The following KATNIP variants were observed in gnomAD, a reference collection of about 807,000 sequenced individuals.
KATNIP encodes the protein katanin-interacting protein.
In KATNIP, 126 loss-of-function variants were observed where a neutral mutation model predicts 174.0. The ratio of observed to expected loss-of-function variants is 0.72; its 90% CI spans 0.63 to 0.84. The LOEUF (loss-of-function observed/expected upper bound fraction) is 0.84. KATNIP is among the 40% of genes least tolerant of loss of function. KATNIP has a pLI of 0.00. For missense variants in KATNIP, 1,958 were observed against 2,109.7 expected, an observed-to-expected ratio of 0.93 and a Z score of 1.41; for synonymous variants, 810 against 835.7, an observed-to-expected ratio of 0.97 and a Z score of 0.53.
At chr16:27,568,898 A>T (rs926331876) in intron 1 of KATNIP, among the ~76,000 whole-genome samples, 2 of 151,852 alleles carry the variant, frequency 1.3e-5, no homozygotes, top group South Asian at 4.2e-4. Context: ...ATTTTACCAG[A>T]CTCGATGGGA....
chr16:27,642,844 A>G (rs2076844656), intron 5 of KATNIP, among the ~76,000 whole-genome samples: 1 of 151,054 alleles, frequency 6.6e-6, no homozygotes, highest in African/African-American at 2.4e-5. Flanking sequence ...CTGGCCTCAA[A>G]CAATCCTCCC....
intron 12 of KATNIP, among the ~76,000 whole-genome samples, chr16:27,707,821 A>C (rs945255228): frequency 2.6e-5 from 4 of 152,062 alleles, no homozygotes; most frequent in African/African-American, 4.8e-5. Flanking sequence ...CTGTGTGTGC[A>C]TCCTTGGTGT....
At chr16:27,699,697 A>G in intron 10 of KATNIP, 98 bp downstream of exon 10, 2 of 1,526,746 alleles carry the variant, frequency 1.3e-6, no homozygotes, top group Non-Finnish European at 8.9e-7. Flanking sequence ...ATGCATGTGC[A>G]TAGCACCTGA....
chr16:27,778,511 T>C, intron 27 of KATNIP, 63 bp from the exon 28 acceptor site: 1 of 1,534,602 alleles, frequency 6.5e-7, no homozygotes, highest in South Asian at 1.1e-5. Context: ...CTGGGGAGTG[T>C]GGGGCACCCC....
intron 18 of KATNIP, chr16:27,755,578 T>C (rs568636295): frequency 2.0e-5 from 3 of 152,366 alleles, no homozygotes; most frequent in African/African-American, 7.2e-5. Flanking sequence ...TGTATCAACA[T>C]GGCACTGGCT....
chr16:27,734,914 C>T (rs1216648686), intron 14 of KATNIP, among the ~76,000 whole-genome samples: 2 of 152,224 alleles, frequency 1.3e-5, no homozygotes, highest in East Asian at 3.8e-4. Flanking sequence ...CTCAGTTTCT[C>T]CATCCATAAG....
chr16:27,761,599 C>CT lies in KATNIP; in HGVS notation c.3809+10dup. The CT allele has an allele frequency of 1.2e-6, 2 of 1,608,302 alleles. No individual in the cohort carries two copies. The highest frequency in any genetic ancestry group is 1.7e-6 in the Non-Finnish European group (2 of 1,175,286). On this transcript the variant is annotated intron_variant, in intron 19 of 27. Transcript: ENST00000261588. ...TCCCGGGCCCTGGACAAGTAAGTGT[C>CT]TATCAGAAGCTTTACTTTCATGCCC...
intron 2 of KATNIP, among the ~76,000 whole-genome samples, chr16:27,600,595 C>T (rs1440272621): frequency 1.3e-5 from 2 of 152,228 alleles, no homozygotes; most frequent in East Asian, 3.9e-4. Context: ...GCCCCTGCTC[C>T]GCCCTCCCCC....
At chr16:27,634,744 A>G in intron 5 of KATNIP, among the ~76,000 whole-genome samples, 1 of 152,224 alleles carries the variant, frequency 6.6e-6, no homozygotes, top group East Asian at 1.9e-4. Context: ...GTGTGAGGCC[A>G]TCTGATTGGC....
chr16:27,613,366 GTT>G (rs775645267), intron 2 of KATNIP, among the ~76,000 whole-genome samples: 6 of 152,218 alleles, frequency 3.9e-5, no homozygotes, highest in Non-Finnish European at 7.3e-5. Context: ...GGAAGTTTCA[GTT>G]TCTCGAGTCT....
At chr16:27,711,517 C>G (rs565939421) in intron 13 of KATNIP, among the ~76,000 whole-genome samples, 1 of 152,212 alleles carries the variant, frequency 6.6e-6, no homozygotes, top group African/African-American at 2.4e-5. Context: ...TCGGCAGTGT[C>G]GGTTAGCTGG....
At chr16:27,656,951 T>TA (rs142304780) in intron 6 of KATNIP, among the ~76,000 whole-genome samples, 4,950 of 149,206 alleles carry the variant, frequency 0.033, 212 homozygotes, top group African/African-American at 0.094. Context: ...AAAAAAATCC[T>TA]AAAAAAAAAC....
chr16:27,708,403 G>A (rs1425419105), intron 12 of KATNIP: 6 of 301,784 alleles, frequency 2.0e-5, no homozygotes, highest in Admixed American at 4.7e-5. Context: ...GGGGAGAGAC[G>A]TGCATGTTCA....
intron 5 of KATNIP, 127 bp from the exon 6 acceptor site, chr16:27,648,477 A>C: frequency 9.0e-7 from 1 of 1,115,766 alleles, no homozygotes; most frequent in Non-Finnish European, 1.3e-6. Flanking sequence ...TGTTGCATGC[A>C]GGCACACCAC....
At chr16:27,768,994 CT>C (rs1375437617) in intron 20 of KATNIP, among the ~76,000 whole-genome samples, 6 of 152,256 alleles carry the variant, frequency 3.9e-5, no homozygotes, top group African/African-American at 1.4e-4. Flanking sequence ...GCTGTTGCCC[CT>C]CCCTGCCCAT....
At chr16:27,592,277 T>TC (rs1217923907) in intron 2 of KATNIP, among the ~76,000 whole-genome samples, 3 of 127,754 alleles carry the variant, frequency 2.3e-5, no homozygotes, top group Admixed American at 1.6e-4. Flanking sequence ...TTACTTTTTT[T>TC]TTTTTTTTTT....
chr16:27,671,211 A>G lies in KATNIP; in HGVS notation c.541-6518A>G, dbSNP rs560246972. Among the ~76,000 whole-genome samples, 101 of 152,320 alleles carry G rather than the reference A, an allele frequency of 6.6e-4. 1 individual carries two copies. The highest frequency in any genetic ancestry group is 2.4e-3 in the African/African-American group (98 of 41,566). Reference sequence around the variant, plus strand: ...CCATCTCAAAAATAAAAATAAAAATAAAAAGTCAGGTGCCTATTTTTCCAG... The same window carrying G: ...CCATCTCAAAAATAAAAATAAAAATGAAAAGTCAGGTGCCTATTTTTCCAG... On this transcript the variant is annotated intron_variant, in intron 6 of 27. Coordinates refer to ENST00000261588, the MANE Select transcript of KATNIP (RefSeq NM_015202.5).
At chr16:27,579,814 C>G (rs2090628375) in intron 2 of KATNIP, among the ~76,000 whole-genome samples, 1 of 152,036 alleles carries the variant, frequency 6.6e-6, no homozygotes, top group African/African-American at 2.4e-5. Context: ...TTGAACTCAC[C>G]CAACTAGAAA....
chr16:27,631,111 A>G lies in KATNIP; in HGVS notation c.357A>G (p.Arg119=). The G allele has an allele frequency of 6.3e-7, 1 of 1,578,242 alleles. No homozygotes were observed. Among genetic ancestry groups the G allele is most frequent in the Non-Finnish European group, 8.6e-7 (1 of 1,160,810 alleles). The change falls in exon 5 of 28, where the codon AGA becomes AGG. Residue 119 remains arginine, a synonymous_variant. Transcript: ENST00000261588. The stretch of plus-strand genomic sequence containing the variant: ...TTCGAGAAGCTGAAGAAGCCTTAAG[A>G]CGCAGTTCACGGACAGCCCCCAGTA... The part of the protein sequence containing the change: ...TLFREAEEAL[R]RSSRTAPSKV...
Sources: allele counts gnomAD v4.1 joint callset (sites outside exome capture counted in the v4.1 genomes callset), GRCh38; gene constraint gnomAD v4.1.1; transcripts MANE v1.5; gene names NCBI Gene and HGNC (gene_info 2026-07-23, HGNC 2026-07-21).